TPRG1: variants seen among roughly 807,000 people sequenced by gnomAD.
TPRG1 encodes tumor protein p63-regulated gene 1 protein.
Under a neutral mutation model 29.3 loss-of-function variants are expected in TPRG1, and 29 were observed. The ratio of observed to expected loss-of-function variants is 0.99; its 90% confidence interval spans 0.74 to 1.35. The LOEUF is 1.35. Among genes scored for constraint, TPRG1 ranks in the 40% most tolerant of loss-of-function variants. TPRG1 has a pLI of 0.00. For synonymous variants in TPRG1, 130 were observed against 116.8 expected (o/e 1.11, Z -0.73); for missense variants, 327 against 335.0 (o/e 0.98, Z 0.19).
chr3:189,306,507 C>T (rs958700575), intron 4 of TPRG1, among the ~76,000 whole-genome samples: 11 of 152,166 alleles, frequency 7.2e-5, no homozygotes, highest in African/African-American at 2.7e-4. Flanking sequence ...ATTTGCTTCT[C>T]TGGTTTTGTT....
At chr3:189,066,252 AAT>A (rs1463668462) in intron 4 of TPRG1, among the ~76,000 whole-genome samples, 1 of 152,164 alleles carries the variant, frequency 6.6e-6, no homozygotes, top group Non-Finnish European at 1.5e-5. Flanking sequence ...AAGAAGAACT[AAT>A]ATCAATCCTA....
At chr3:189,151,758 G>A (rs1329513575) in intron 5 of TPRG1, among the ~76,000 whole-genome samples, 1 of 152,096 alleles carries the variant, frequency 6.6e-6, no homozygotes, top group African/African-American at 2.4e-5. Flanking sequence ...GCATGCCCCT[G>A]TAGTCCCAGC....
At chr3:189,012,582 C>G (rs543111581) in intron 3 of TPRG1, among the ~76,000 whole-genome samples, 10 of 152,216 alleles carry the variant, frequency 6.6e-5, no homozygotes, top group Admixed American at 2.6e-4. Flanking sequence ...ACCAGCTCTT[C>G]TTTGTACATC....
At position 189,136,915 on chromosome 3, in the gene TPRG1, C is replaced by T. The variant is rs547469866; in HGVS notation, c.-291+4218C>T. Among the ~76,000 whole-genome samples the T allele has an allele frequency of 2.0e-4, 31 of 152,216 alleles. No individual in the cohort carries two copies. In the South Asian group the frequency reaches 6.4e-3, roughly 32 times the overall value. ...TCATTCAGTCACTCAATGATCTTTA[C>T]TGAGGGCTACAACATACCAGGTGCT... On this transcript the variant is annotated intron_variant, in intron 3 of 6. Transcript: ENST00000412373.
At chr3:189,087,401 T>A (rs1217444986) in intron 4 of TPRG1, among the ~76,000 whole-genome samples, 1 of 152,226 alleles carries the variant, frequency 6.6e-6, no homozygotes, top group African/African-American at 2.4e-5. Flanking sequence ...AGATTCTGGA[T>A]ATTAGCCCTT....
intron 4 of TPRG1, among the ~76,000 whole-genome samples, chr3:189,288,319 G>A (rs1425603804): frequency 1.3e-5 from 2 of 152,126 alleles, no homozygotes; most frequent in East Asian, 1.9e-4. Flanking sequence ...TTTCTGCAAC[G>A]TGTAGTGAGA....
intron 4 of TPRG1, among the ~76,000 whole-genome samples, chr3:189,268,377 A>G (rs986735210): frequency 2.6e-5 from 4 of 152,048 alleles, no homozygotes; most frequent in Admixed American, 2.6e-4. Context: ...AAATACCACA[A>G]TCCTGTTATT....
chr3:189,247,465 C>T (rs576359591), intron 4 of TPRG1, among the ~76,000 whole-genome samples: 41 of 152,014 alleles, frequency 2.7e-4, no homozygotes, highest in Non-Finnish European at 4.0e-4. Flanking sequence ...CTTCTGTTGA[C>T]TGTCCCTTTT....
intron 4 of TPRG1, among the ~76,000 whole-genome samples, chr3:189,276,829 C>T (rs1398028387): frequency 1.3e-5 from 2 of 152,026 alleles, no homozygotes; most frequent in South Asian, 4.2e-4. Flanking sequence ...TGGGAAGAGA[C>T]CAAGAGAGGC....
intron 4 of TPRG1, among the ~76,000 whole-genome samples, chr3:189,256,324 T>C (rs1711869571): frequency 6.6e-6 from 1 of 152,216 alleles, no homozygotes; most frequent in African/African-American, 2.4e-5. Context: ...TGTGCAGTTT[T>C]GAGTGAGTTT....
In TPRG1 at chr3:189,325,212, C is replaced by T. The variant is rs957810406; in HGVS notation, c.*4392C>T. Reference sequence around the variant, plus strand: ...CTAAACCCTCTCTTTAGCCTCAAAGCCCAAGACCAAAAAAAATGAGCCATA... The same window carrying T: ...CTAAACCCTCTCTTTAGCCTCAAAGTCCAAGACCAAAAAAAATGAGCCATA... On this transcript the variant is annotated 3_prime_UTR_variant, in exon 6 of 6. Coordinates refer to ENST00000345063, the MANE Select transcript of TPRG1 (RefSeq NM_198485.4). The T allele has an allele frequency of 1.3e-5, 2 of 151,336 alleles. No individual in the cohort carries two copies. Among genetic ancestry groups the T allele is most frequent in the Admixed American group, 6.6e-5 (1 of 15,122 alleles). 9.4% of individuals were successfully genotyped at this position (151,336 alleles called of 1,614,324 possible).
chr3:189,245,230 C>T (rs759190546), intron 4 of TPRG1, among the ~76,000 whole-genome samples: 5 of 152,076 alleles, frequency 3.3e-5, no homozygotes, highest in Non-Finnish European at 5.9e-5. Context: ...TTCATTTCTA[C>T]TCTTTTCCTT....
chr3:189,175,787 A>AATATGG (rs140199965), intron 1 of TPRG1, among the ~76,000 whole-genome samples: 15 of 152,344 alleles, frequency 9.8e-5, no homozygotes, highest in African/African-American at 3.4e-4. Context: ...CTCATTTAAA[A>AATATGG]ATATGGAAAA....
intron 4 of TPRG1, among the ~76,000 whole-genome samples, chr3:189,293,290 C>T (rs993361946): frequency 5.9e-5 from 9 of 152,142 alleles, no homozygotes; most frequent in African/African-American, 2.2e-4. Context: ...AGGCTCTCCC[C>T]TCCCACTTCC....
At chr3:189,169,658 T>C (rs978610344), upstream of TPRG1, among the ~76,000 whole-genome samples, 5 of 152,238 alleles carry the variant, frequency 3.3e-5, no homozygotes, top group Admixed American at 2.6e-4. Flanking sequence ...TATATAGCCA[T>C]ATGTTCTGTC....
rs115803020 is a variant in TPRG1 at position 189,267,882 on chromosome 3, G to A, written c.479+28973G>A. 5.3e-3 allele frequency among the ~76,000 whole-genome samples: 811 copies of A among 152,306 alleles called. 12 individuals carry two copies. The highest frequency in any genetic ancestry group is 0.019 in the African/African-American group (790 of 41,554). ...GAATGGTGAGTAAATGATTAGAACA[G>A]GGAGCGGTATGTGGGATGAATTGGA... On this transcript the variant is annotated intron_variant, in intron 4 of 5. Coordinates refer to ENST00000345063, the MANE Select transcript of TPRG1 (RefSeq NM_198485.4).
intron 4 of TPRG1, among the ~76,000 whole-genome samples, chr3:189,047,632 A>C (rs542029085): frequency 6.6e-6 from 1 of 152,330 alleles, no homozygotes; most frequent in Non-Finnish European, 1.5e-5. Context: ...CCACAGCAGA[A>C]TTTTCAAAAT....
intron 3 of TPRG1, among the ~76,000 whole-genome samples, chr3:189,015,551 C>G (rs1362768692): frequency 6.6e-6 from 1 of 152,278 alleles, no homozygotes; most frequent in East Asian, 1.9e-4. Flanking sequence ...ATGTCACAGA[C>G]CTTCGTGACA....
At chr3:189,173,340 TTC>T (rs1491288823) in intron 1 of TPRG1, among the ~76,000 whole-genome samples, 2,502 of 52,900 alleles carry the variant, frequency 0.047, 94 homozygotes, top group South Asian at 0.22. Flanking sequence ...TCTTTTCTTC[TTC>T]TTTTTTTTTT....
Sources: gnomAD v4.1 joint callset for allele counts (sites outside exome capture counted in the v4.1 genomes callset) on GRCh38, gnomAD v4.1.1 for gene constraint, MANE v1.5 for transcripts, NCBI Gene and HGNC (gene_info 2026-07-23, HGNC 2026-07-21) for gene names.